The following DMBX1 variants were observed in gnomAD, a reference collection of about 807,000 sequenced individuals.
DMBX1 encodes the protein diencephalon/mesencephalon homeobox 1, also known as diencephalon/mesencephalon homeobox protein 1.
A neutral mutation model predicts 30.4 loss-of-function variants in DMBX1; 7 were observed. The ratio of observed to expected loss-of-function variants is 0.23; its 90% CI spans 0.13 to 0.43. The LOEUF is 0.43. Among genes scored for constraint, DMBX1 ranks in the 20% least tolerant of loss-of-function variants. The pLI, the probability that DMBX1 is intolerant of heterozygous loss-of-function variation, is 1.00. For synonymous variants in DMBX1, 222 were observed against 214.2 expected (o/e 1.04, Z -0.32); for missense variants, 460 against 508.5 (o/e 0.90, Z 0.92).
Position 46,511,243 on chromosome 1 carries a change from C to T in DMBX1, c.642C>T (p.Asp214=), listed in dbSNP as rs1666365061. The T allele has an allele frequency of 6.2e-7, 1 of 1,608,288 alleles. No homozygotes were observed. The highest frequency in any genetic ancestry group is 8.5e-7 in the Non-Finnish European group (1 of 1,177,894). Residue 214 remains aspartate, a synonymous_variant, in exon 5 of 6, where the codon GAC becomes GAT. Coordinates refer to ENST00000360032, the MANE Select transcript of DMBX1 (RefSeq NM_172225.2). ...DPKAEKSPGA[D]SKGLGCKRGS... Reference sequence around the variant, plus strand: ...AAGCTGAGAAGAGCCCTGGGGCTGACAGCAAGGGGCTGGGCTGCAAGAGGG... The same window carrying T: ...AAGCTGAGAAGAGCCCTGGGGCTGATAGCAAGGGGCTGGGCTGCAAGAGGG...
rs1457327924 is a variant in DMBX1, at chr1:46,507,090, C to T, written c.80C>T (p.Ala27Val). The T allele has an allele frequency of 1.9e-6, 3 of 1,614,146 alleles. No homozygotes were observed. The highest frequency in any genetic ancestry group is 2.5e-6 in the Non-Finnish European group (3 of 1,180,058). The change falls in exon 3 of 6, where the codon GCA becomes GTA. Residue 27 changes from alanine to valine, a missense_variant. This residue lies in a region of DMBX1 where 124 missense variants were observed against 144.0 expected (regional missense o/e 0.86). Transcript: ENST00000360032. ...LSAMYNLHQQ[A>V]AQQAQHAPDY... is the part of the protein sequence containing the mutation. The stretch of plus-strand genomic sequence containing the variant: ...GCCATGTACAACCTGCACCAGCAGG[C>T]AGCCCAGCAGGCCCAGCATGCCCCC...
At chr1:46,500,550 C>T (rs1367460619) in intron 2 of DMBX1, among the ~76,000 whole-genome samples, 1 of 151,094 alleles carries the variant, frequency 6.6e-6, no homozygotes, top group African/African-American at 2.4e-5. Context: ...CAGCCCCTAC[C>T]CCCCTCCCCC....
chr1:46,505,674 A>G (rs1666220168), intron 2 of DMBX1, among the ~76,000 whole-genome samples: 1 of 151,944 alleles, frequency 6.6e-6, no homozygotes, highest in Non-Finnish European at 1.5e-5. Flanking sequence ...TGGGTGTAGC[A>G]CACCAGCATG....
rs754098966 is a variant in DMBX1, at chr1:46,510,543, G to A, written c.222G>A (p.Thr74=). The change falls in exon 4 of 6, where the codon ACG becomes ACA. Residue 74 remains threonine, a synonymous_variant. Transcript: ENST00000360032. The surrounding 1 kb of genome is among the most constrained non-coding windows in gnomAD (Gnocchi z 4.1). ...RKQRRSRTAF[T]AQQLEALEKT... is the part of the protein sequence containing the mutation. ...AACGTCGCAGCCGCACAGCGTTCAC[G>A]GCTCAGCAGCTCGAGGCCCTGGAAA... 19 of 1,614,038 alleles carry A rather than the reference G, an allele frequency of 1.2e-5. No individual in the cohort carries two copies. Among genetic ancestry groups the A allele is most frequent in the Middle Eastern group, 1.6e-4 (1 of 6,082 alleles).
chr1:46,504,835 TC>T (rs1385116462), intron 2 of DMBX1, among the ~76,000 whole-genome samples: 1 of 150,424 alleles, frequency 6.6e-6, no homozygotes, highest in African/African-American at 2.4e-5. Flanking sequence ...TATTGATTCT[TC>T]CTACCCATGA....
intron 2 of DMBX1, among the ~76,000 whole-genome samples, chr1:46,497,022 G>A (rs1666037093): frequency 6.6e-6 from 1 of 152,204 alleles, no homozygotes; most frequent in Admixed American, 6.5e-5. Flanking sequence ...AGAGTCCATG[G>A]CAACAGGCTA....
At chr1:46,490,493 G>A (rs987453119) in intron 1 of DMBX1, among the ~76,000 whole-genome samples, 151 bp from the exon 2 acceptor site, 4 of 152,172 alleles carry the variant, frequency 2.6e-5, no homozygotes, top group Admixed American at 6.5e-5. Context: ...GCGGAGCCCT[G>A]GGCGGGGGCT....
intron 2 of DMBX1, among the ~76,000 whole-genome samples, chr1:46,500,951 G>A (rs1312717563): frequency 6.6e-6 from 1 of 152,104 alleles, no homozygotes; most frequent in Non-Finnish European, 1.5e-5. Flanking sequence ...TGAAGGGTAC[G>A]TTTCTAGAAA....
intron 2 of DMBX1, among the ~76,000 whole-genome samples, chr1:46,499,945 C>A (rs1666092427): frequency 3.3e-5 from 5 of 152,184 alleles, no homozygotes; most frequent in Admixed American, 3.3e-4. Context: ...TTTCTATGAT[C>A]TGAGAATACT....
chr1:46,498,528 G>A (rs1388394353), intron 2 of DMBX1, among the ~76,000 whole-genome samples: 1 of 151,888 alleles, frequency 6.6e-6, no homozygotes, highest in Non-Finnish European at 1.5e-5. Flanking sequence ...GGGTGGAAGA[G>A]CCACAATACA....
rs1486228960 is a variant in DMBX1 at position 46,510,864 on chromosome 1, C to G, written c.334-71C>G. Reference sequence around the variant, plus strand: ...GGATGTTATCACGTACATCCTCTCCCAGAGCACCCTGCTCCACACCAACCC... The same window carrying G: ...GGATGTTATCACGTACATCCTCTCCGAGAGCACCCTGCTCCACACCAACCC... On this transcript the variant is annotated intron_variant, in intron 4 of 5. Coordinates refer to ENST00000360032, the MANE Select transcript of DMBX1 (RefSeq NM_172225.2). This position sits in a 1 kb window ranked among gnomAD's most constrained non-coding sequence, Gnocchi z 4.1. The G allele has an allele frequency of 6.8e-7, 1 of 1,462,052 alleles. No homozygotes were observed. The highest frequency in any genetic ancestry group is 1.4e-5 in the African/African-American group (1 of 70,676). 90.6% of individuals were successfully genotyped at this position (1,462,052 alleles called of 1,614,324 possible). A position where few individuals can be genotyped will look rare whatever the true frequency, so the allele number is the denominator to read the frequency against.
chr1:46,509,230 G>A (rs1025389376), intron 3 of DMBX1, among the ~76,000 whole-genome samples: 2 of 152,004 alleles, frequency 1.3e-5, no homozygotes, highest in African/African-American at 2.4e-5. Context: ...CCACCACCAC[G>A]CTCAGCTAAT....
At position 46,511,177 on chromosome 1, in the gene DMBX1, G is replaced by A. The variant is rs147071342; in HGVS notation, c.576G>A (p.Pro192=). ...SASESAPEDQ[P]DREEDPRAGA... is the part of the protein sequence containing the mutation. ...GTGAGTCAGCCCCCGAGGATCAGCC[G>A]GACCGTGAGGAGGACCCCAGGGCAG... Residue 192 remains proline (P), a synonymous_variant, in exon 5 of 6, where the codon CCG becomes CCA. Coordinates refer to ENST00000360032, the MANE Select transcript of DMBX1 (RefSeq NM_172225.2). 3.5e-5 allele frequency: 56 copies of A among 1,613,648 alleles called. No individual in the cohort carries two copies. Among genetic ancestry groups the A allele is most frequent in the African/African-American group, 1.7e-4 (13 of 74,922 alleles).
intron 2 of DMBX1, among the ~76,000 whole-genome samples, chr1:46,496,389 C>T (rs966914380): frequency 5.9e-5 from 9 of 152,196 alleles, no homozygotes; most frequent in Admixed American, 2.0e-4. Context: ...AGGGTACTTA[C>T]TGGGATGGGG....
At chr1:46,497,118 A>G (rs1327551742) in intron 2 of DMBX1, among the ~76,000 whole-genome samples, 1 of 152,174 alleles carries the variant, frequency 6.6e-6, no homozygotes, top group African/African-American at 2.4e-5. Context: ...AATAAATACC[A>G]GATAGCTCTT....
In DMBX1 at chr1:46,510,674, A is replaced by T. The variant is rs1197499831; in HGVS notation, c.333+20A>T. 6.2e-7 allele frequency: 1 copy of T among 1,607,554 alleles called. No homozygotes were observed. Among genetic ancestry groups the T allele is most frequent in the Admixed American group, 1.7e-5 (1 of 59,430 alleles). ...GTGCAGGTAGGGCCCAACTCTCCTA[A>T]CTAGGCCTTGCAGACAAACACCAGC... On this transcript the variant is annotated intron_variant, in intron 4 of 5. Transcript: ENST00000360032. The surrounding 1 kb of genome is among the most constrained non-coding windows in gnomAD (Gnocchi z 4.1).
intron 2 of DMBX1, among the ~76,000 whole-genome samples, chr1:46,503,127 T>TAC (rs1406619274): frequency 3.9e-5 from 6 of 152,342 alleles, no homozygotes; most frequent in Admixed American, 3.3e-4. Flanking sequence ...CTTGCTGTTC[T>TAC]ACACACACAA....
At position 46,513,681 on chromosome 1, in the gene DMBX1, A is replaced by G. The variant is rs1447243007; in HGVS notation, c.*1187A>G. On this transcript the variant is annotated 3_prime_UTR_variant, in exon 6 of 6. Transcript: ENST00000360032. ...GCAGGGCTGGTGCTCTTCTCCCACAAGCTGAGCCTCCACGTTCAGCAGATA... is the reference window on the plus strand; with the variant it reads ...GCAGGGCTGGTGCTCTTCTCCCACAGGCTGAGCCTCCACGTTCAGCAGATA... The G allele has an allele frequency of 2.0e-5, 3 of 152,412 alleles. No individual in the cohort carries two copies. The highest frequency in any genetic ancestry group is 1.3e-4 in the Admixed American group (2 of 15,306). The allele number at this position is 152,412 out of a possible 1,614,324, so 9.4% of individuals were successfully genotyped here.
chr1:46,510,594 A>G lies in DMBX1; in HGVS notation c.273A>G (p.Pro91=). ...AGACCTTCCAGAAGACTCACTACCC[A>G]GATGTGGTGATGCGTGAGAGGCTGG... ...LEKTFQKTHY[P]DVVMRERLAM... The change falls in exon 4 of 6, where the codon CCA becomes CCG. Residue 91 remains proline (P), a synonymous_variant. Transcript: ENST00000360032. This position sits in a 1 kb window ranked among gnomAD's most constrained non-coding sequence, Gnocchi z 4.1. 6.2e-7 allele frequency: 1 copy of G among 1,614,074 alleles called. No homozygotes were observed. The highest frequency in any genetic ancestry group is 8.5e-7 in the Non-Finnish European group (1 of 1,180,000).
Sources: gnomAD v4.1 joint callset for allele counts (sites outside exome capture counted in the v4.1 genomes callset) on GRCh38, gnomAD v4.1.1 for gene constraint, gnomAD v4.1.1 regional missense constraint, Gnocchi (gnomAD v3.1) non-coding constraint, MANE v1.5 for transcripts, NCBI Gene and HGNC (gene_info 2026-07-23, HGNC 2026-07-21) for gene names.